MAPK10: variants seen among roughly 807,000 people sequenced by gnomAD.
The protein encoded by MAPK10 is mitogen-activated protein kinase 10.
A neutral mutation model predicts 59.3 loss-of-function variants in MAPK10; 25 were observed. The ratio of observed to expected loss-of-function variants is 0.42; its 90% CI spans 0.31 to 0.59. The LOEUF is 0.59. Ranked by LOEUF, MAPK10 falls within the 20% of genes least tolerant of loss-of-function variation. The pLI, the probability that MAPK10 is intolerant of heterozygous loss-of-function variation, is 0.15. For missense variants in MAPK10, 351 were observed against 568.9 expected, an observed-to-expected ratio of 0.62 and a Z score of 3.90; for synonymous variants, 190 against 200.5, an observed-to-expected ratio of 0.95 and a Z score of 0.44.
chr4:86,540,599 G>A (rs908574710), intron 1 of MAPK10, among the ~76,000 whole-genome samples: 1 of 152,122 alleles, frequency 6.6e-6, no homozygotes, highest in African/African-American at 2.4e-5. Flanking sequence ...TAGAAGACGA[G>A]AGCACAGAGA....
intron 11 of MAPK10, chr4:86,032,203 A>G (rs1157597345): frequency 6.6e-6 from 1 of 152,136 alleles, no homozygotes; most frequent in East Asian, 1.9e-4. Flanking sequence ...GTGGAAAAGG[A>G]GGGATTTTCA....
intron 3 of MAPK10, among the ~76,000 whole-genome samples, chr4:86,174,804 A>T (rs1374260771): frequency 1.3e-5 from 2 of 152,134 alleles, no homozygotes; most frequent in Non-Finnish European, 2.9e-5. Context: ...GGAGTCTATT[A>T]TTACTGCAGT....
intron 1 of MAPK10, among the ~76,000 whole-genome samples, chr4:86,498,205 A>T: frequency 6.6e-6 from 1 of 152,240 alleles, no homozygotes; most frequent in Non-Finnish European, 1.5e-5. Context: ...ACAACAAATT[A>T]TGTGTCACTT....
intron 9 of MAPK10, chr4:86,079,821 A>G (rs1340200018): frequency 7.4e-6 from 1 of 135,332 alleles, no homozygotes; most frequent in Non-Finnish European, 1.6e-5. Flanking sequence ...AGAAGAGGCA[A>G]TCAAGCTTAT....
chr4:86,393,286 C>A (rs1742477742), intron 1 of MAPK10, among the ~76,000 whole-genome samples: 1 of 150,414 alleles, frequency 6.6e-6, no homozygotes, highest in Non-Finnish European at 1.5e-5. Context: ...TTTTGGCCAT[C>A]TAAGTTCTTT....
intron 2 of MAPK10, among the ~76,000 whole-genome samples, chr4:86,300,079 G>C (rs2095440709): frequency 1.3e-5 from 2 of 151,906 alleles, no homozygotes; most frequent in South Asian, 4.2e-4. Flanking sequence ...TTTTAGTAGA[G>C]ACAGGGTTTC....
chr4:86,109,395 G>A (rs2057078448), intron 4 of MAPK10, among the ~76,000 whole-genome samples: 1 of 151,862 alleles, frequency 6.6e-6, no homozygotes, highest in African/African-American at 2.4e-5. Context: ...CTGCTTCCTG[G>A]CCCCAACGGG....
intron 9 of MAPK10, chr4:86,089,177 T>C (rs777061540): frequency 5.1e-6 from 8 of 1,574,316 alleles, no homozygotes; most frequent in South Asian, 4.5e-5. Context: ...GTGACACCCA[T>C]AGATACCACT....
intron 1 of MAPK10, chr4:86,358,189 T>G (rs1735485510): frequency 1.0e-6 from 1 of 981,442 alleles, no homozygotes; most frequent in Admixed American, 6.2e-5. Flanking sequence ...TGTTATATAT[T>G]TGTAACATAT....
At chr4:86,127,384 G>C (rs909569405) in intron 4 of MAPK10, among the ~76,000 whole-genome samples, 10 of 152,092 alleles carry the variant, frequency 6.6e-5, no homozygotes, top group Admixed American at 6.6e-4. Flanking sequence ...CCTAACACCA[G>C]AGGAGAGTGA....
chr4:86,464,845 T>C (rs1752056482), intron 1 of MAPK10, among the ~76,000 whole-genome samples: 1 of 152,084 alleles, frequency 6.6e-6, no homozygotes, highest in Admixed American at 6.5e-5. Flanking sequence ...ATGCACCCTT[T>C]TTACATCACT....
intron 2 of MAPK10, among the ~76,000 whole-genome samples, chr4:86,270,478 T>C (rs1361465416): frequency 3.3e-5 from 5 of 152,038 alleles, no homozygotes; most frequent in Non-Finnish European, 7.4e-5. Context: ...ACAGTCTCAA[T>C]CAAAATTTTA....
At chr4:86,098,345 T>C in intron 9 of MAPK10, 179 bp downstream of exon 9, 1 of 688,296 alleles carries the variant, frequency 1.5e-6, no homozygotes, top group Middle Eastern at 4.7e-4. Flanking sequence ...TTAAAAGAAA[T>C]CATTGTGGTA....
chr4:86,149,390 A>G (rs57113506), intron 4 of MAPK10, among the ~76,000 whole-genome samples: 7,456 of 151,842 alleles, frequency 0.049, 614 homozygotes, highest in African/African-American at 0.17. Flanking sequence ...CCTCAGCCCC[A>G]CAAGTAGCTG....
intron 1 of MAPK10, among the ~76,000 whole-genome samples, chr4:86,501,880 T>A (rs1346443121): frequency 6.6e-6 from 1 of 152,046 alleles, no homozygotes; most frequent in Non-Finnish European, 1.5e-5. Context: ...TTTAGTAGGT[T>A]ACATGGAAGA....
chr4:86,420,686 G>A (rs2149033053), intron 1 of MAPK10, among the ~76,000 whole-genome samples: 1 of 152,288 alleles, frequency 6.6e-6, no homozygotes, highest in Non-Finnish European at 1.5e-5. Flanking sequence ...CTACTCAGGG[G>A]GCTGAGGTGG....
At chr4:86,590,112 G>T (rs1454916971) in intron 1 of MAPK10, among the ~76,000 whole-genome samples, 1 of 151,924 alleles carries the variant, frequency 6.6e-6, no homozygotes, top group Non-Finnish European at 1.5e-5. Context: ...AAAGAACTAG[G>T]CTCATCTAAA....
chr4:86,577,070 G>A (rs148137642), intron 1 of MAPK10, among the ~76,000 whole-genome samples: 243 of 152,238 alleles, frequency 1.6e-3, no homozygotes, highest in African/African-American at 5.7e-3. Flanking sequence ...TTGGGATGCC[G>A]AGGTGGGAGG....
chr4:86,329,869 T>C (rs1210669959), intron 2 of MAPK10, among the ~76,000 whole-genome samples: 1 of 152,182 alleles, frequency 6.6e-6, no homozygotes, highest in East Asian at 1.9e-4. Context: ...TAATTTGAAA[T>C]TATACCTAAT....
Sources: allele counts gnomAD v4.1 joint callset (sites outside exome capture counted in the v4.1 genomes callset), GRCh38; gene constraint gnomAD v4.1.1; transcripts MANE v1.5; gene names NCBI Gene and HGNC (gene_info 2026-07-23, HGNC 2026-07-21).